SMARCC2: variants seen among roughly 807,000 people sequenced by gnomAD.
SMARCC2 encodes the protein SWI/SNF complex subunit SMARCC2.
SMARCC2 carries 15 observed loss-of-function variants against 151.3 expected under a neutral mutation model. The ratio of observed to expected loss-of-function variants is 0.10; its 90% CI spans 0.07 to 0.15. The LOEUF (loss-of-function observed/expected upper bound fraction) is 0.15, where lower values mean the gene tolerates loss of function less well. SMARCC2 is among the 10% of genes least tolerant of loss of function. The pLI, the probability that SMARCC2 is intolerant of heterozygous loss-of-function variation, is 1.00. For missense variants in SMARCC2, 1,031 were observed against 1,599.7 expected, an observed-to-expected ratio of 0.64 and a Z score of 6.06; for synonymous variants, 590 against 609.5, an observed-to-expected ratio of 0.97 and a Z score of 0.47.
intron 6 of SMARCC2, 22 bp from the exon 7 acceptor site, chr12:56,183,952 G>T: frequency 1.3e-6 from 2 of 1,578,990 alleles, no homozygotes; most frequent in South Asian, 1.1e-5. Context: ...GGAAGAGAAG[G>T]GAGAGATATA....
chr12:56,183,951 G>A (rs762675719), intron 6 of SMARCC2, 21 bp from the exon 7 acceptor site: 83 of 1,582,030 alleles, frequency 5.2e-5, no homozygotes, highest in Admixed American at 2.5e-4. Flanking sequence ...AGGAAGAGAA[G>A]GGAGAGATAT....
intron 1 of SMARCC2, among the ~76,000 whole-genome samples, chr12:56,188,299 C>T (rs900549204): frequency 1.3e-5 from 2 of 152,092 alleles, no homozygotes; most frequent in Admixed American, 6.5e-5. Context: ...AGCTATTTGT[C>T]AGGATTCTCA....
chr12:56,165,096 C>G (rs1046452105), intron 27 of SMARCC2, among the ~76,000 whole-genome samples: 1 of 152,260 alleles, frequency 6.6e-6, no homozygotes, highest in Admixed American at 6.5e-5. Flanking sequence ...TTCCTTGGCA[C>G]TATCTTCCCC....
Position 56,171,553 on chromosome 12 carries a change from G to A in SMARCC2, c.2186-121C>T, listed in dbSNP as rs1371888972. The stretch of plus-strand genomic sequence containing the variant: ...AAGCTAGTATGGAGCCTAGACAGGT[G>A]CCTGAGCTGAGGCCCGCACAGACAA... On this transcript the variant is annotated intron_variant, in intron 21 of 28. Coordinates refer to ENST00000550164, the MANE Select transcript of SMARCC2 (RefSeq NM_001330288.2). This position sits in a 1 kb window ranked among gnomAD's most constrained non-coding sequence, Gnocchi z 4.2. 6.6e-7 allele frequency: 1 copy of A among 1,505,258 alleles called. No homozygotes were observed. The highest frequency in any genetic ancestry group is 1.4e-5 in the African/African-American group (1 of 72,236). The allele number at this position is 1,505,258 out of a possible 1,614,324, so 93.2% of individuals were successfully genotyped here. A position where few individuals can be genotyped will look rare whatever the true frequency, so the allele number is the denominator to read the frequency against.
At chr12:56,165,773 G>C (rs1479123413) in intron 26 of SMARCC2, 74 bp from the exon 27 acceptor site, 1 of 1,435,498 alleles carries the variant, frequency 7.0e-7, no homozygotes. Flanking sequence ...CCCCTGCTTT[G>C]TCTTCTTCTG....
intron 23 of SMARCC2, 73 bp downstream of exon 23, chr12:56,170,071 C>T: frequency 2.0e-6 from 3 of 1,478,586 alleles, no homozygotes; most frequent in South Asian, 2.3e-5. Context: ...CCCACCTAAG[C>T]TGAACAAGGC....
chr12:56,164,511 GTGA>G lies in SMARCC2; in HGVS notation c.3450_3452del (p.His1153del), dbSNP rs1221475916. The G allele has an allele frequency of 7.4e-6, 12 of 1,614,104 alleles. No individual in the cohort carries two copies. Among genetic ancestry groups the G allele is most frequent in the Non-Finnish European group, 1.0e-5 (12 of 1,180,048 alleles). On this transcript the variant is annotated inframe_deletion, in exon 28 of 29. Transcript: ENST00000550164. ...TGCCCGGGGCGAACGGGAGATGGTG[GTGA>G]TGCCCATGCAGGTTAGGAGGAGCGG...
At chr12:56,184,975 GGT>G in intron 4 of SMARCC2, 39 bp from the exon 5 acceptor site, 1 of 1,587,914 alleles carries the variant, frequency 6.3e-7, no homozygotes, top group Non-Finnish European at 8.6e-7. Context: ...ATAGGAAAGG[GGT>G]GTTTTAGATT....
In SMARCC2 at chr12:56,179,348, T is replaced by G. The variant is rs1875662223; in HGVS notation, c.1082-292A>C. On this transcript the variant is annotated intron_variant, in intron 11 of 28. Transcript: ENST00000550164. The stretch of plus-strand genomic sequence containing the variant: ...CTGTAAGCTTTTAATGGTCTGATAC[T>G]GAATCTGACCAAATCACTCTGTGGA... Among the ~76,000 whole-genome samples, 5 of 152,256 alleles carry G rather than the reference T, an allele frequency of 3.3e-5. No individual in the cohort carries two copies. The South Asian group carries it at 1.0e-3, about 31-fold the overall frequency.
Position 56,169,715 on chromosome 12 carries a change from G to A in SMARCC2, c.2549-20C>T, listed in dbSNP as rs368645916. 11 of 1,613,882 alleles carry A rather than the reference G, an allele frequency of 6.8e-6. No individual in the cohort carries two copies. The highest frequency in any genetic ancestry group is 9.3e-6 in the Non-Finnish European group (11 of 1,179,982). ...GATCGACTGGGCCAGGACAAGGGTT[G>A]AGTTAGCCCCACAGCTTCACCTCTG... On this transcript the variant is annotated intron_variant, in intron 24 of 28. Coordinates refer to ENST00000550164, the MANE Select transcript of SMARCC2 (RefSeq NM_001330288.2).
At chr12:56,181,243 T>C (rs994050969) in intron 10 of SMARCC2, 142 bp from the exon 11 acceptor site, 16 of 811,288 alleles carry the variant, frequency 2.0e-5, no homozygotes, top group Non-Finnish European at 2.9e-5. Flanking sequence ...CACACAGTAA[T>C]GGGAAGTGGC....
intron 15 of SMARCC2, among the ~76,000 whole-genome samples, chr12:56,176,132 C>T (rs1470204384): frequency 6.6e-6 from 1 of 151,302 alleles, no homozygotes; most frequent in African/African-American, 2.5e-5. Context: ...GCTGGAATTA[C>T]AGGCGTGAGC....
At chr12:56,175,611 C>T (rs1324172341) in intron 15 of SMARCC2, among the ~76,000 whole-genome samples, 1 of 152,008 alleles carries the variant, frequency 6.6e-6, no homozygotes, top group Non-Finnish European at 1.5e-5. Flanking sequence ...AAAATGGCAG[C>T]TATCATGTGG....
At chr12:56,174,800 A>C in intron 15 of SMARCC2, 36 bp from the exon 16 acceptor site, 1 of 1,381,424 alleles carries the variant, frequency 7.2e-7, no homozygotes, top group Non-Finnish European at 1.0e-6. Flanking sequence ...AGAAGAAGAA[A>C]AATAAATGTT....
chr12:56,164,192 A>C, intron 28 of SMARCC2, 111 bp downstream of exon 28: 1 of 982,982 alleles, frequency 1.0e-6, no homozygotes, highest in Non-Finnish European at 1.5e-6. Flanking sequence ...CAGAGTGTTC[A>C]AAAAGGATTG....
At chr12:56,168,347 A>G (rs1873231128) in intron 25 of SMARCC2, among the ~76,000 whole-genome samples, 153 bp from the exon 26 acceptor site, 1 of 151,868 alleles carries the variant, frequency 6.6e-6, no homozygotes, top group African/African-American at 2.4e-5. Context: ...TGCTGGGATT[A>G]TAGGCGTGAG....
At chr12:56,181,862 C>A in intron 8 of SMARCC2, 27 bp from the exon 9 acceptor site, 1 of 1,614,012 alleles carries the variant, frequency 6.2e-7, no homozygotes, top group Non-Finnish European at 8.5e-7. Flanking sequence ...GATCATGCTG[C>A]AGAGAAGCCT....
At chr12:56,181,202 G>T in intron 10 of SMARCC2, 101 bp from the exon 11 acceptor site, 4 of 1,168,138 alleles carry the variant, frequency 3.4e-6, no homozygotes, top group Non-Finnish European at 4.9e-6. Context: ...AATTCCAAGG[G>T]TAGAGCTGAG....
chr12:56,172,839 T>C, intron 18 of SMARCC2, 98 bp downstream of exon 18: 1 of 1,559,278 alleles, frequency 6.4e-7, no homozygotes. Flanking sequence ...CCTCCCTTAC[T>C]GCTGTAGTTC....
Sources: allele counts gnomAD v4.1 joint callset (sites outside exome capture counted in the v4.1 genomes callset), GRCh38; gene constraint gnomAD v4.1.1; non-coding constraint Gnocchi (gnomAD v3.1); transcripts MANE v1.5; gene names NCBI Gene and HGNC (gene_info 2026-07-23, HGNC 2026-07-21).